PCDHGB2: variants seen among roughly 807,000 people sequenced by gnomAD.
PCDHGB2 encodes protocadherin gamma subfamily B, 2, also known as protocadherin gamma-B2.
PCDHGB2 carries 55 observed loss-of-function variants against 59.3 expected under a neutral mutation model. The observed-to-expected ratio is 0.93, with a 90% CI of 0.75 to 1.16. The LOEUF is 1.16. Among genes scored for constraint, PCDHGB2 ranks in the 50% most tolerant of loss-of-function variants. The pLI, the probability that PCDHGB2 is intolerant of heterozygous loss-of-function variation, is 0.00. For synonymous variants in PCDHGB2, 516 were observed against 512.0 expected (o/e 1.01, Z -0.11); for missense variants, 1,228 against 1,198.5 (o/e 1.02, Z -0.36).
chr5:141,454,407 T>TTTTA (rs1029547484), intron 1 of PCDHGB2, among the ~76,000 whole-genome samples: 21 of 152,236 alleles, frequency 1.4e-4, no homozygotes, highest in Admixed American at 1.2e-3. Flanking sequence ...GCTTATTCCT[T>TTTTA]TTTATTTATT....
chr5:141,385,076 A>G, intron 1 of PCDHGB2: 1 of 1,614,206 alleles, frequency 6.2e-7, no homozygotes, highest in Non-Finnish European at 8.5e-7. Context: ...CGCCTGCTGC[A>G]GGCTTCAGAA....
At chr5:141,438,605 T>TAC (rs2098010130) in intron 1 of PCDHGB2, among the ~76,000 whole-genome samples, 1 of 27,802 alleles carries the variant, frequency 3.6e-5, no homozygotes. Flanking sequence ...TATATATATA[T>TAC]ATATATATAT....
Position 141,489,652 on chromosome 5 carries a change from C to T in PCDHGB2, c.2422-5155C>T, listed in dbSNP as rs767143028. The T allele has an allele frequency of 3.1e-6, 5 of 1,614,024 alleles. No individual in the cohort carries two copies. Among genetic ancestry groups the T allele is most frequent in the Non-Finnish European group, 4.2e-6 (5 of 1,180,026 alleles). ...CTCTCCTAGCTTTGCCACCCCTGAG[C>T]GAGAGATGCGCATCTCAGAATCAGC... On this transcript the variant is annotated intron_variant, in intron 1 of 3. Coordinates refer to ENST00000522605, the MANE Select transcript of PCDHGB2 (RefSeq NM_018923.3). The surrounding 1 kb of genome is among the most constrained non-coding windows in gnomAD (Gnocchi z 4.5).
chr5:141,468,549 C>T (rs1289802190), intron 1 of PCDHGB2: 2 of 151,940 alleles, frequency 1.3e-5, no homozygotes, highest in Non-Finnish European at 2.9e-5. Flanking sequence ...ACATATTTAA[C>T]ATTTGTGATA....
intron 1 of PCDHGB2, chr5:141,400,587 C>T: frequency 6.2e-7 from 1 of 1,606,696 alleles, no homozygotes; most frequent in South Asian, 1.1e-5. Flanking sequence ...TTACATGAAA[C>T]TATCGTACAT....
intron 1 of PCDHGB2, chr5:141,410,627 TTC>T: frequency 6.2e-7 from 1 of 1,602,046 alleles, no homozygotes; most frequent in Admixed American, 1.7e-5. Flanking sequence ...TTCGGTGAGT[TTC>T]TCTTTTTTGT....
In PCDHGB2 at chr5:141,491,736, G is replaced by T; in HGVS notation, c.2422-3071G>T. The T allele has an allele frequency of 6.2e-7, 1 of 1,600,560 alleles. No individual in the cohort carries two copies. Among genetic ancestry groups the T allele is most frequent in the Non-Finnish European group, 8.5e-7 (1 of 1,174,270 alleles). ...CGGCGCCGCCCCGGGCGACCCCTGG[G>T]GGCGGCACTGGAGAAGCCGCCCGTC... On this transcript the variant is annotated intron_variant, in intron 1 of 3. Coordinates refer to ENST00000522605, the MANE Select transcript of PCDHGB2 (RefSeq NM_018923.3). This position sits in a 1 kb window ranked among gnomAD's most constrained non-coding sequence, Gnocchi z 6.9.
At position 141,485,562 on chromosome 5, in the gene PCDHGB2, C is replaced by T. The variant is rs779890454; in HGVS notation, c.2422-9245C>T. 2.5e-6 allele frequency: 4 copies of T among 1,612,910 alleles called. No homozygotes were observed. Among genetic ancestry groups the T allele is most frequent in the Admixed American group, 1.7e-5 (1 of 59,996 alleles). On this transcript the variant is annotated intron_variant, in intron 1 of 3. Transcript: ENST00000522605. The surrounding 1 kb of genome is among the most constrained non-coding windows in gnomAD (Gnocchi z 5.7). ...GAGATCGTAGATGTGAATGATCACG[C>T]CCCCCGTTTTCCGCGGCAGCAGCTG... is the stretch of plus-strand genomic sequence containing the variant.
chr5:141,451,256 A>T (rs376288655), intron 1 of PCDHGB2, among the ~76,000 whole-genome samples: 1 of 152,212 alleles, frequency 6.6e-6, no homozygotes, highest in African/African-American at 2.4e-5. Context: ...GTGGATCAGG[A>T]CTGGGTATAG....
At chr5:141,446,339 G>A (rs1455819111) in intron 1 of PCDHGB2, among the ~76,000 whole-genome samples, 1 of 152,164 alleles carries the variant, frequency 6.6e-6, no homozygotes, top group Non-Finnish European at 1.5e-5. Flanking sequence ...GAACTGGATG[G>A]ACAAAGCTAC....
chr5:141,408,527 G>T lies in PCDHGB2; in HGVS notation c.2421+45971G>T, dbSNP rs1239443007. ...AAGATGTGAGTTGCAATTGGAAGCT[G>T]TGGTGGAAAATCCTTTAAATATTTT... On this transcript the variant is annotated intron_variant, in intron 1 of 3. Coordinates refer to ENST00000522605, the MANE Select transcript of PCDHGB2 (RefSeq NM_018923.3). 2.5e-6 allele frequency: 4 copies of T among 1,613,954 alleles called. No homozygotes were observed. The African/African-American group carries it at 5.3e-5, about 22-fold the overall frequency.
Position 141,476,380 on chromosome 5 carries a change from G to C in PCDHGB2, c.2422-18427G>C. 1 of 1,614,154 alleles carries C rather than the reference G, an allele frequency of 6.2e-7. No homozygotes were observed. The highest frequency in any genetic ancestry group is 8.5e-7 in the Non-Finnish European group (1 of 1,180,042). On this transcript the variant is annotated intron_variant, in intron 1 of 3. Coordinates refer to ENST00000522605, the MANE Select transcript of PCDHGB2 (RefSeq NM_018923.3). The surrounding 1 kb of genome is among the most constrained non-coding windows in gnomAD (Gnocchi z 7.6). ...ACCGGGAGACCGGAGAGATGTTTGT[G>C]AACGACCGTCTGGATCGAGAGGAGC... is the stretch of plus-strand genomic sequence containing the variant.
intron 1 of PCDHGB2, chr5:141,393,608 A>G: frequency 6.2e-7 from 1 of 1,613,986 alleles, no homozygotes; most frequent in Non-Finnish European, 8.5e-7. Context: ...TTACTGTAAC[A>G]GCCAGCGACC....
chr5:141,410,817 A>T, intron 1 of PCDHGB2: 1 of 524,252 alleles, frequency 1.9e-6, no homozygotes, highest in Non-Finnish European at 3.1e-6. Context: ...TTGTAAAATA[A>T]TGTCACCAGA....
intron 1 of PCDHGB2, chr5:141,394,304 G>T (rs1317596371): frequency 1.2e-6 from 2 of 1,613,932 alleles, no homozygotes; most frequent in Admixed American, 1.7e-5. Flanking sequence ...ACACGCTGCA[G>T]GGGGCGCCCC....
At chr5:141,429,045 G>C (rs919761577) in intron 1 of PCDHGB2, 15 of 151,954 alleles carry the variant, frequency 9.9e-5, no homozygotes, top group African/African-American at 2.9e-4. Context: ...TAGTACAGAC[G>C]GGGTTTCACC....
intron 1 of PCDHGB2, chr5:141,409,672 T>C (rs1411780634): frequency 2.5e-6 from 4 of 1,613,458 alleles, no homozygotes; most frequent in Non-Finnish European, 2.5e-6. Flanking sequence ...TCTCCTACTC[T>C]ATAGTGGCGA....
Position 141,438,239 on chromosome 5 carries a change from A to C in PCDHGB2, c.2422-56568A>C, listed in dbSNP as rs550172792. Among the ~76,000 whole-genome samples, 9 of 152,298 alleles carry C rather than the reference A, an allele frequency of 5.9e-5. No homozygotes were observed. In the East Asian group the frequency reaches 1.7e-3, roughly 29 times the overall value. On this transcript the variant is annotated intron_variant, in intron 1 of 3. Transcript: ENST00000522605. ...GCTCTGGTTCAGGAAAATGTTTTTA[A>C]AAAACTGTCATTGAAGAGACCATAG...
chr5:141,383,204 G>A lies in PCDHGB2; in HGVS notation c.2421+20648G>A, dbSNP rs372087170. 3 of 1,613,922 alleles carry A rather than the reference G, an allele frequency of 1.9e-6. No individual in the cohort carries two copies. In the African/African-American group the frequency reaches 4.0e-5, roughly 22 times the overall value. On this transcript the variant is annotated intron_variant, in intron 1 of 3. Coordinates refer to ENST00000522605, the MANE Select transcript of PCDHGB2 (RefSeq NM_018923.3). ...GAGATCTGCGCTCAGAGTGCGCGGTGTCTGGTAAACTTTAACATCCTGATG... is the reference window on the plus strand; with the variant it reads ...GAGATCTGCGCTCAGAGTGCGCGGTATCTGGTAAACTTTAACATCCTGATG...
Sources: gnomAD v4.1 joint callset for allele counts (sites outside exome capture counted in the v4.1 genomes callset) on GRCh38, gnomAD v4.1.1 for gene constraint, Gnocchi (gnomAD v3.1) non-coding constraint, MANE v1.5 for transcripts, NCBI Gene and HGNC (gene_info 2026-07-23, HGNC 2026-07-21) for gene names.